The following GALNT13 variants were observed in gnomAD, a reference collection of about 807,000 sequenced individuals.
The protein encoded by GALNT13 is polypeptide N-acetylgalactosaminyltransferase 13.
In GALNT13, 28 loss-of-function variants were observed where a neutral mutation model predicts 64.2. The ratio of observed to expected loss-of-function variants is 0.44; its 90% CI spans 0.32 to 0.60. The LOEUF is 0.60. Among genes scored for constraint, GALNT13 ranks in the 20% least tolerant of loss-of-function variants. The pLI is 0.05. For missense variants in GALNT13, 577 were observed against 669.8 expected (o/e 0.86, Z 1.53); for synonymous variants, 214 against 224.6 (o/e 0.95, Z 0.42).
the GALNT13 span, among the ~76,000 whole-genome samples, chr2:153,707,821 G>A: frequency 0.015 from 2,283 of 152,252 alleles, 56 homozygotes; most frequent in African/African-American, 0.052. Flanking sequence ...TGTTAGACCA[G>A]GGAGGAATAT....
chr2:153,375,341 T>C, the GALNT13 span, among the ~76,000 whole-genome samples: 2 of 152,208 alleles, frequency 1.3e-5, no homozygotes, highest in Non-Finnish European at 2.9e-5. Context: ...AAATATATAA[T>C]GTATAAATTC....
At chr2:154,137,466 G>C (rs976415502) in intron 3 of GALNT13, among the ~76,000 whole-genome samples, 2 of 152,110 alleles carry the variant, frequency 1.3e-5, no homozygotes, top group African/African-American at 4.8e-5. Flanking sequence ...TTAGGAGAAT[G>C]ACTACATGTT....
At chr2:153,795,285 T>G in the GALNT13 span, among the ~76,000 whole-genome samples, 3 of 152,178 alleles carry the variant, frequency 2.0e-5, no homozygotes, top group African/African-American at 7.2e-5. Context: ...TAGAGTCAAT[T>G]TTTGGAAAAT....
chr2:153,886,482 T>C (rs1162565574), intron 1 of GALNT13, among the ~76,000 whole-genome samples: 1 of 151,972 alleles, frequency 6.6e-6, no homozygotes, highest in African/African-American at 2.4e-5. Context: ...TTCATGTCCT[T>C]TGTAGGGACA....
chr2:153,597,325 C>A, the GALNT13 span, among the ~76,000 whole-genome samples: 1 of 152,084 alleles, frequency 6.6e-6, no homozygotes, highest in East Asian at 1.9e-4. Flanking sequence ...GATCCTGTCC[C>A]ACAATATCTT....
the GALNT13 span, among the ~76,000 whole-genome samples, chr2:153,833,068 G>T: frequency 6.6e-6 from 1 of 152,212 alleles, no homozygotes; most frequent in African/African-American, 2.4e-5. Flanking sequence ...TGAAAATCTT[G>T]CACTGTCCCT....
the GALNT13 span, among the ~76,000 whole-genome samples, chr2:153,296,328 C>A: frequency 6.6e-6 from 1 of 152,126 alleles, no homozygotes; most frequent in Non-Finnish European, 1.5e-5. Context: ...TAGAAGGCTA[C>A]CTGTTGAGCT....
chr2:154,164,781 A>G (rs922588116), intron 4 of GALNT13, among the ~76,000 whole-genome samples: 1 of 151,152 alleles, frequency 6.6e-6, no homozygotes, highest in African/African-American at 2.4e-5. Flanking sequence ...GAGCACACAC[A>G]TGTGCACAAT....
upstream of GALNT13, among the ~76,000 whole-genome samples, chr2:153,871,087 G>C (rs1304913952): frequency 6.6e-6 from 1 of 152,088 alleles, no homozygotes. Context: ...GCCAGGCACT[G>C]TTCTAAAATC....
chr2:153,996,595 G>C lies in GALNT13; in HGVS notation c.142+51956G>C, dbSNP rs973710398. On this transcript the variant is annotated intron_variant, in intron 3 of 12. Transcript: ENST00000392825. ...ATGTTAACCCCTTGTCAGATGCATA[G>C]TTTGCAAATATTGTCTCTCATTATG... Among the ~76,000 whole-genome samples, 13 of 152,158 alleles carry C rather than the reference G, an allele frequency of 8.5e-5. No homozygotes were observed. In the East Asian group the frequency reaches 2.5e-3, roughly 29 times the overall value.
At chr2:153,926,738 G>A (rs951446587) in intron 2 of GALNT13, among the ~76,000 whole-genome samples, 17 of 152,086 alleles carry the variant, frequency 1.1e-4, no homozygotes, top group East Asian at 5.8e-4. Flanking sequence ...GACTGTATGC[G>A]TGCCATGTAC....
chr2:154,353,526 C>T (rs540440813), intron 9 of GALNT13, among the ~76,000 whole-genome samples: 2 of 152,254 alleles, frequency 1.3e-5, no homozygotes, highest in African/African-American at 4.8e-5. Flanking sequence ...TAGACTTGTT[C>T]ATCCTACACA....
intron 8 of GALNT13, among the ~76,000 whole-genome samples, chr2:154,295,754 C>A (rs1393042751): frequency 6.6e-6 from 1 of 151,962 alleles, no homozygotes; most frequent in East Asian, 1.9e-4. Flanking sequence ...CTCCCTAGGC[C>A]CATGATGAAA....
At position 153,935,356 on chromosome 2, in the gene GALNT13, A is replaced by G. The variant is rs183940398; in HGVS notation, c.-104-9038A>G. Among the ~76,000 whole-genome samples, 592 of 152,322 alleles carry G rather than the reference A, an allele frequency of 3.9e-3. 11 individuals carry two copies. The highest frequency in any genetic ancestry group is 3.9e-3 in the East Asian group (20 of 5,176). The stretch of plus-strand genomic sequence containing the variant: ...TGGCTCACTCAGCCCATATACAAAC[A>G]TATAGCCCAAAGGGACATAAATCTG... On this transcript the variant is annotated intron_variant, in intron 2 of 12. Coordinates refer to ENST00000392825, the MANE Select transcript of GALNT13 (RefSeq NM_052917.4).
At chr2:153,123,431 G>A in the GALNT13 span, among the ~76,000 whole-genome samples, 29,542 of 152,078 alleles carry the variant, frequency 0.19, 3,027 homozygotes, top group Non-Finnish European at 0.23. Context: ...ACCTAAAATA[G>A]TAGTTTAGAC....
At chr2:154,078,237 C>T (rs984398058) in intron 3 of GALNT13, among the ~76,000 whole-genome samples, 2 of 151,496 alleles carry the variant, frequency 1.3e-5, no homozygotes, top group Non-Finnish European at 3.0e-5. Context: ...AAATTCACCA[C>T]ACATTACTTT....
the GALNT13 span, chr2:153,592,792 C>T: frequency 0.076 from 11,517 of 152,342 alleles, 523 homozygotes; most frequent in Non-Finnish European, 0.11. Context: ...GGAGACCCTC[C>T]TCTCCGGAAC....
rs74926406 is a variant in GALNT13 at position 154,387,039 on chromosome 2, G to A, written c.1157-8952G>A. 2.7e-3 allele frequency among the ~76,000 whole-genome samples: 410 copies of A among 152,038 alleles called. 2 individuals carry two copies. Among genetic ancestry groups the A allele is most frequent in the African/African-American group, 9.4e-3 (389 of 41,472 alleles). ...TTTTACTCCATTAAAATAAAATTGTGGTAATAATAGTAAATGATAAATTCA... is the reference window on the plus strand; with the variant it reads ...TTTTACTCCATTAAAATAAAATTGTAGTAATAATAGTAAATGATAAATTCA... On this transcript the variant is annotated intron_variant, in intron 9 of 12. Coordinates refer to ENST00000392825, the MANE Select transcript of GALNT13 (RefSeq NM_052917.4).
intron 3 of GALNT13, among the ~76,000 whole-genome samples, chr2:154,026,076 A>G (rs1453565641): frequency 6.6e-6 from 1 of 152,116 alleles, no homozygotes; most frequent in Non-Finnish European, 1.5e-5. Flanking sequence ...GTAGATTTGC[A>G]TTTTTTAAAT....
Sources: allele counts gnomAD v4.1 joint callset (sites outside exome capture counted in the v4.1 genomes callset), GRCh38; gene constraint gnomAD v4.1.1; transcripts MANE v1.5; gene names NCBI Gene and HGNC (gene_info 2026-07-23, HGNC 2026-07-21).